CORO2B: variants seen among roughly 807,000 people sequenced by gnomAD.
CORO2B encodes coronin-2B.
Under a neutral mutation model 58.8 loss-of-function variants are expected in CORO2B, and 26 were observed. That is an observed-to-expected ratio of 0.44 (90% CI 0.32 to 0.61). The LOEUF (loss-of-function observed/expected upper bound fraction) is 0.61, where lower values mean the gene tolerates loss of function less well. Ranked by LOEUF, CORO2B falls within the 20% of genes least tolerant of loss-of-function variation. The pLI is 0.04. For missense variants in CORO2B, 460 were observed against 645.1 expected (o/e 0.71, Z 3.11); for synonymous variants, 242 against 253.8 (o/e 0.95, Z 0.44).
At chr15:68,698,313 G>A (rs900986714) in intron 3 of CORO2B, among the ~76,000 whole-genome samples, 1 of 152,154 alleles carries the variant, frequency 6.6e-6, no homozygotes, top group Non-Finnish European at 1.5e-5. Flanking sequence ...CTTGATGTAG[G>A]GGGGACAAAT....
At chr15:68,571,025 G>A in the CORO2B span, among the ~76,000 whole-genome samples, 5 of 152,216 alleles carry the variant, frequency 3.3e-5, no homozygotes, top group East Asian at 1.9e-4. Flanking sequence ...AAGAAAGTGC[G>A]AAGGAAACAG....
At chr15:68,625,105 G>C (rs769582849) in intron 1 of CORO2B, among the ~76,000 whole-genome samples, 1 of 152,134 alleles carries the variant, frequency 6.6e-6, no homozygotes, top group Non-Finnish European at 1.5e-5. Flanking sequence ...GGCTGTTCCT[G>C]AGCCTCCTTG....
intron 1 of CORO2B, among the ~76,000 whole-genome samples, chr15:68,602,008 CTTTTTTT>C (rs566789911): frequency 7.5e-6 from 1 of 133,334 alleles, no homozygotes; most frequent in Non-Finnish European, 1.6e-5. Context: ...GATGGGAAGG[CTTTTTTT>C]TTTTTTTTTT....
At chr15:68,569,176 C>T in the CORO2B span, among the ~76,000 whole-genome samples, 2 of 152,152 alleles carry the variant, frequency 1.3e-5, no homozygotes, top group Admixed American at 6.5e-5. Flanking sequence ...CATTAGGGCT[C>T]ACTGTTGGTG....
intron 2 of CORO2B, among the ~76,000 whole-genome samples, chr15:68,663,517 T>C (rs1902081415): frequency 6.6e-6 from 1 of 152,132 alleles, no homozygotes. Context: ...CTCCTGACAT[T>C]GTAGTAGGAA....
At chr15:68,559,427 G>A in the CORO2B span, among the ~76,000 whole-genome samples, 1 of 151,556 alleles carries the variant, frequency 6.6e-6, no homozygotes, top group Non-Finnish European at 1.5e-5. The surrounding 1 kb of genome is among the most constrained non-coding windows in gnomAD (Gnocchi z 4.3). Context: ...GACCCCTTGC[G>A]TCTGAATGGT....
chr15:68,623,025 TGTG>T (rs1267749036), intron 1 of CORO2B, among the ~76,000 whole-genome samples: 2 of 152,102 alleles, frequency 1.3e-5, no homozygotes, highest in East Asian at 3.9e-4. Flanking sequence ...CATAGCTGGG[TGTG>T]GTGGTGGGCA....
intron 1 of CORO2B, among the ~76,000 whole-genome samples, chr15:68,612,363 T>C (rs1189143716): frequency 2.0e-5 from 3 of 152,140 alleles, no homozygotes; most frequent in African/African-American, 4.8e-5. Flanking sequence ...TGACTGCATT[T>C]ATGTGTGAGA....
At position 68,726,377 on chromosome 15, in the gene CORO2B, GC is replaced by G; in HGVS notation, c.*405del. 1 of 270,452 alleles carries G rather than the reference GC, an allele frequency of 3.7e-6. No individual in the cohort carries two copies. 16.8% of individuals were successfully genotyped at this position (270,452 alleles called of 1,614,324 possible). ...GCTGCCAGGACATCTCAGCACTCCC[GC>G]CTGGAGCTCTCAGCATCACTGAAGG... is the stretch of plus-strand genomic sequence containing the variant. On this transcript the variant is annotated 3_prime_UTR_variant, in exon 12 of 12. Coordinates refer to ENST00000261861, the MANE Select transcript of CORO2B (RefSeq NM_006091.5).
chr15:68,525,316 TGAAAA>T, the CORO2B span, among the ~76,000 whole-genome samples: 1 of 152,202 alleles, frequency 6.6e-6, no homozygotes, highest in Non-Finnish European at 1.5e-5. Flanking sequence ...TGAAGCATTT[TGAAAA>T]GAAAAGAAGA....
chr15:68,633,116 T>C (rs1414520923), intron 1 of CORO2B, among the ~76,000 whole-genome samples: 5 of 152,282 alleles, frequency 3.3e-5, no homozygotes, highest in African/African-American at 9.6e-5. Context: ...TTGGTTTAGC[T>C]GTCACCATTG....
chr15:68,595,991 G>A (rs1899820081), intron 1 of CORO2B, among the ~76,000 whole-genome samples: 1 of 152,074 alleles, frequency 6.6e-6, no homozygotes, highest in Admixed American at 6.5e-5. Flanking sequence ...CGAGCCACGA[G>A]GGTGCCCAGT....
intron 1 of CORO2B, among the ~76,000 whole-genome samples, chr15:68,595,693 A>G (rs547858251): frequency 1.6e-4 from 25 of 152,314 alleles, no homozygotes; most frequent in African/African-American, 5.8e-4. Context: ...AATACCATCA[A>G]TTAAGCACCT....
At chr15:68,518,937 T>A in the CORO2B span, among the ~76,000 whole-genome samples, 2 of 152,222 alleles carry the variant, frequency 1.3e-5, no homozygotes, top group African/African-American at 4.8e-5. Context: ...ACCGGGTCTC[T>A]GCTCTCTAGA....
At chr15:68,531,866 T>C in the CORO2B span, among the ~76,000 whole-genome samples, 1 of 151,620 alleles carries the variant, frequency 6.6e-6, no homozygotes, top group Non-Finnish European at 1.5e-5. Context: ...TTAGCAGCTT[T>C]GTTTTTGTCA....
At chr15:68,560,858 A>T in the CORO2B span, among the ~76,000 whole-genome samples, 2 of 152,234 alleles carry the variant, frequency 1.3e-5, no homozygotes, top group Non-Finnish European at 2.9e-5. Flanking sequence ...CGAGGGGACC[A>T]GAGGAAGCAG....
At chr15:68,584,490 G>A (rs1396951258) in intron 1 of CORO2B, among the ~76,000 whole-genome samples, 1 of 152,162 alleles carries the variant, frequency 6.6e-6, no homozygotes, top group East Asian at 1.9e-4. Flanking sequence ...GGCGCTGGCT[G>A]GGCCAATGTC....
intron 2 of CORO2B, among the ~76,000 whole-genome samples, chr15:68,649,612 G>A (rs1421212535): frequency 6.6e-6 from 1 of 152,160 alleles, no homozygotes; most frequent in Non-Finnish European, 1.5e-5. Context: ...GGTTATATCT[G>A]TCAATAGTTA....
chr15:68,621,943 A>G (rs1900534693), intron 1 of CORO2B, among the ~76,000 whole-genome samples: 1 of 151,490 alleles, frequency 6.6e-6, no homozygotes, highest in African/African-American at 2.4e-5. Flanking sequence ...TTTTCTTATT[A>G]TTTGTAGAGA....
Sources: allele counts gnomAD v4.1 joint callset (sites outside exome capture counted in the v4.1 genomes callset), GRCh38; gene constraint gnomAD v4.1.1; non-coding constraint Gnocchi (gnomAD v3.1); transcripts MANE v1.5; gene names NCBI Gene and HGNC (gene_info 2026-07-23, HGNC 2026-07-21).